Variants in MMP16 observed in about 807,000 individuals in gnomAD.
The protein encoded by MMP16 is matrix metallopeptidase 16.
MMP16 carries 12 observed loss-of-function variants against 67.8 expected under a neutral mutation model. The ratio of observed to expected loss-of-function variants is 0.18; its 90% confidence interval spans 0.11 to 0.29. The LOEUF (loss-of-function observed/expected upper bound fraction) is 0.29, where lower values mean the gene tolerates loss of function less well. Among genes scored for constraint, MMP16 ranks in the 10% least tolerant of loss-of-function variants. The pLI, the probability that MMP16 is intolerant of heterozygous loss-of-function variation, is 1.00. For missense variants in MMP16, 475 were observed against 765.7 expected (o/e 0.62, Z 4.48); for synonymous variants, 249 against 255.9 (o/e 0.97, Z 0.26).
At chr8:88,182,228 T>A (rs1808992284) in intron 3 of MMP16, among the ~76,000 whole-genome samples, 1 of 151,948 alleles carries the variant, frequency 6.6e-6, no homozygotes, top group African/African-American at 2.4e-5. Flanking sequence ...GCCACAGATA[T>A]GAAGAAAGTA....
At chr8:88,298,790 C>T (rs1790926951) in intron 1 of MMP16, among the ~76,000 whole-genome samples, 1 of 152,094 alleles carries the variant, frequency 6.6e-6, no homozygotes, top group African/African-American at 2.4e-5. Flanking sequence ...TGTGAATTAT[C>T]TATATTGCTT....
chr8:88,256,704 C>A (rs201646869), intron 1 of MMP16, among the ~76,000 whole-genome samples: 3 of 148,636 alleles, frequency 2.0e-5, no homozygotes, highest in African/African-American at 4.9e-5. Context: ...ACACACACAC[C>A]CCACACACAC....
chr8:88,216,979 A>G (rs1359328474), intron 1 of MMP16, among the ~76,000 whole-genome samples: 1 of 151,972 alleles, frequency 6.6e-6, no homozygotes, highest in Non-Finnish European at 1.5e-5. Flanking sequence ...ATGGCTTGCT[A>G]TTTTATTAAG....
chr8:88,232,380 C>G (rs189259604), intron 1 of MMP16, among the ~76,000 whole-genome samples: 1 of 152,020 alleles, frequency 6.6e-6, no homozygotes, highest in African/African-American at 2.4e-5. Context: ...TCTGTAAAAC[C>G]GGCAAATAGT....
At chr8:88,304,292 T>G (rs1005832092) in intron 1 of MMP16, among the ~76,000 whole-genome samples, 1 of 151,956 alleles carries the variant, frequency 6.6e-6, no homozygotes, top group Admixed American at 6.6e-5. Context: ...AAATATAGGA[T>G]TATGTAAAGA....
intron 4 of MMP16, among the ~76,000 whole-genome samples, chr8:88,161,856 T>C (rs1197745799): frequency 1.3e-5 from 2 of 152,096 alleles, no homozygotes; most frequent in African/African-American, 4.8e-5. Flanking sequence ...TCCAGGCAGT[T>C]GAGTGGTTCT....
intron 4 of MMP16, among the ~76,000 whole-genome samples, chr8:88,145,388 C>T (rs919911099): frequency 1.3e-5 from 2 of 151,846 alleles, no homozygotes; most frequent in Non-Finnish European, 2.9e-5. Context: ...GGAACATTAT[C>T]ATATGTAAGG....
chr8:88,281,360 G>C (rs558522453), intron 1 of MMP16, among the ~76,000 whole-genome samples: 1 of 152,260 alleles, frequency 6.6e-6, no homozygotes, highest in Non-Finnish European at 1.5e-5. Context: ...GAGCTCCCAA[G>C]GGGAAGAAAG....
At chr8:88,064,560 C>T (rs1010085205) in intron 7 of MMP16, among the ~76,000 whole-genome samples, 1 of 151,936 alleles carries the variant, frequency 6.6e-6, no homozygotes, top group Non-Finnish European at 1.5e-5. Context: ...GCTTGGAATT[C>T]GGGAAATAAT....
At chr8:88,042,026 AAT>A (rs1808140076) in intron 9 of MMP16, among the ~76,000 whole-genome samples, 1 of 152,168 alleles carries the variant, frequency 6.6e-6, no homozygotes, top group Non-Finnish European at 1.5e-5. Context: ...CAGAGAGAGA[AAT>A]ATCATTTACA....
chr8:88,155,055 G>C (rs1161341416), intron 4 of MMP16, among the ~76,000 whole-genome samples: 1 of 151,970 alleles, frequency 6.6e-6, no homozygotes, highest in Non-Finnish European at 1.5e-5. Context: ...GTTTGTTGAA[G>C]GATGAGTATG....
intron 1 of MMP16, among the ~76,000 whole-genome samples, chr8:88,297,098 A>C (rs140518678): frequency 5.3e-5 from 8 of 152,254 alleles, no homozygotes; most frequent in Non-Finnish European, 1.2e-4. Flanking sequence ...TTTATATCAG[A>C]TTGGCTAAGA....
In MMP16 at chr8:88,183,749, CTT is replaced by C. The variant is rs1294271639; in HGVS notation, c.404+2725_404+2726del. Among the ~76,000 whole-genome samples, 6 of 111,334 alleles carry C rather than the reference CTT, an allele frequency of 5.4e-5. No homozygotes were observed. The Admixed American group carries it at 6.3e-4, about 12-fold the overall frequency. 73.0% of individuals were successfully genotyped at this position (111,334 alleles called of 152,430 possible). On this transcript the variant is annotated intron_variant, in intron 3 of 9. Coordinates refer to ENST00000286614, the MANE Select transcript of MMP16 (RefSeq NM_005941.5). ...TTTTTTTTTGAGATGGAGTTTCACT[CTT>C]GTCATCCAGGCTGGAGTGCAATGGC...
At chr8:88,195,209 A>G (rs1419943139) in intron 2 of MMP16, among the ~76,000 whole-genome samples, 2 of 152,126 alleles carry the variant, frequency 1.3e-5, no homozygotes, top group Non-Finnish European at 2.9e-5. Context: ...GAAAACAAAC[A>G]TTTCCATCCC....
intron 4 of MMP16, among the ~76,000 whole-genome samples, chr8:88,134,446 A>G (rs1438909113): frequency 6.6e-6 from 1 of 151,616 alleles, no homozygotes; most frequent in Non-Finnish European, 1.5e-5. Flanking sequence ...CCAAGAAACT[A>G]TTTTTACTCA....
intron 6 of MMP16, among the ~76,000 whole-genome samples, chr8:88,102,380 G>T (rs962400631): frequency 3.3e-5 from 5 of 151,860 alleles, no homozygotes; most frequent in African/African-American, 9.7e-5. Flanking sequence ...TATTACAAAG[G>T]ATATGACAAA....
chr8:88,061,159 CA>C (rs1426761703), intron 7 of MMP16, among the ~76,000 whole-genome samples: 7 of 151,364 alleles, frequency 4.6e-5, no homozygotes, highest in Non-Finnish European at 7.4e-5. Flanking sequence ...CACACACACA[CA>C]CACACACACA....
At chr8:88,189,559 ATTT>A (rs1809133528) in intron 2 of MMP16, among the ~76,000 whole-genome samples, 1 of 152,040 alleles carries the variant, frequency 6.6e-6, no homozygotes, top group Admixed American at 6.6e-5. Context: ...CTAACAATAC[ATTT>A]TCCCAAAGCA....
chr8:88,112,677 G>GTGTGTGTGTGTGTGTGTGTGTC (rs1292612932), intron 6 of MMP16, among the ~76,000 whole-genome samples: 1 of 149,262 alleles, frequency 6.7e-6, no homozygotes, highest in South Asian at 2.1e-4. Flanking sequence ...GTGTGTGTGT[G>GTGTGTGTGTGTGTGTGTGTGTC]TGTGTGTCTG....
Sources: gnomAD v4.1 joint callset for allele counts (sites outside exome capture counted in the v4.1 genomes callset) on GRCh38, gnomAD v4.1.1 for gene constraint, MANE v1.5 for transcripts, NCBI Gene and HGNC (gene_info 2026-07-23, HGNC 2026-07-21) for gene names.